Variants in ZNF536 observed in about 807,000 individuals in gnomAD.
ZNF536 encodes the protein zinc finger protein 536.
ZNF536 carries 13 observed loss-of-function variants against 84.5 expected under a neutral mutation model. The observed-to-expected ratio is 0.15, with a 90% CI of 0.10 to 0.24. The LOEUF (loss-of-function observed/expected upper bound fraction) is 0.24, where lower values mean the gene tolerates loss of function less well. Ranked by LOEUF, ZNF536 falls within the 10% of genes least tolerant of loss-of-function variation. ZNF536 has a pLI of 1.00. For synonymous variants in ZNF536, 811 were observed against 742.5 expected, an observed-to-expected ratio of 1.09 and a Z score of -1.50; for missense variants, 1,536 against 1,747.5, an observed-to-expected ratio of 0.88 and a Z score of 2.16.
intron 1 of ZNF536, among the ~76,000 whole-genome samples, chr19:30,591,685 T>C (rs2047284005): frequency 6.6e-6 from 1 of 152,204 alleles, no homozygotes; most frequent in African/African-American, 2.4e-5. Flanking sequence ...CCTTTCTCTC[T>C]GAGTCACAGC....
At chr19:30,550,904 A>G (rs2045752196) in intron 4 of ZNF536, among the ~76,000 whole-genome samples, 1 of 152,192 alleles carries the variant, frequency 6.6e-6, no homozygotes, top group African/African-American at 2.4e-5. Flanking sequence ...ACAAGGCCCC[A>G]TTAACCACTA....
At chr19:30,419,010 T>C (rs2050846341) in intron 1 of ZNF536, among the ~76,000 whole-genome samples, 1 of 152,224 alleles carries the variant, frequency 6.6e-6, no homozygotes, top group South Asian at 2.1e-4. Flanking sequence ...ATGAACTAAT[T>C]TGGAAAATAC....
chr19:30,370,331 A>C (rs928733685), upstream of ZNF536, among the ~76,000 whole-genome samples: 3 of 152,140 alleles, frequency 2.0e-5, no homozygotes, highest in African/African-American at 7.2e-5. Flanking sequence ...TTCCCCAACT[A>C]TTGTACCTGA....
At chr19:30,416,447 A>C (rs2050738125) in intron 1 of ZNF536, among the ~76,000 whole-genome samples, 1 of 152,038 alleles carries the variant, frequency 6.6e-6, no homozygotes, top group African/African-American at 2.4e-5. Context: ...GTGGTTCTCT[A>C]GGTCTGTTAC....
chr19:30,626,795 G>A (rs2048696423), intron 1 of ZNF536, among the ~76,000 whole-genome samples: 1 of 152,206 alleles, frequency 6.6e-6, no homozygotes, highest in Admixed American at 6.5e-5. Context: ...GATGGTGACC[G>A]CGCCAGATAG....
At chr19:30,307,993 T>C (rs530127367) in intron 2 of ZNF536, among the ~76,000 whole-genome samples, 2 of 152,400 alleles carry the variant, frequency 1.3e-5, no homozygotes, top group East Asian at 1.9e-4. Context: ...CTTTATTTTA[T>C]GATATTAAAT....
upstream of ZNF536, among the ~76,000 whole-genome samples, chr19:30,225,661 AATG>A (rs1174193666): frequency 7.0e-6 from 1 of 143,876 alleles, no homozygotes; most frequent in Non-Finnish European, 1.5e-5. Context: ...CCCGCGTTTC[AATG>A]TTTAAGGTAA....
rs1239144442 is a variant in ZNF536 at position 30,628,783 on chromosome 19, C to A, written c.169+79269C>A. Among the ~76,000 whole-genome samples the A allele has an allele frequency of 2.6e-5, 4 of 152,260 alleles. No individual in the cohort carries two copies. In the South Asian group the frequency reaches 8.3e-4, roughly 32 times the overall value. ...GCATGATCTCGGCTCACTGCAACCT[C>A]CACCTCCTGGGTCCTGGTTCAAGCA... On this transcript the variant is annotated intron_variant, in intron 1 of 1. Coordinates refer to the ZNF536 transcript ENST00000592773.
At chr19:30,265,288 A>G (rs555977182) in intron 1 of ZNF536, among the ~76,000 whole-genome samples, 4 of 152,268 alleles carry the variant, frequency 2.6e-5, no homozygotes, top group Admixed American at 6.5e-5. Flanking sequence ...CCAGGAGCCC[A>G]GCCCTCTTCA....
intron 1 of ZNF536, among the ~76,000 whole-genome samples, chr19:30,264,892 C>CG (rs986537051): frequency 3.4e-5 from 5 of 148,338 alleles, no homozygotes; most frequent in Non-Finnish European, 7.4e-5. Flanking sequence ...AAAGATAAAC[C>CG]GGGGGGATTA....
intron 1 of ZNF536, among the ~76,000 whole-genome samples, chr19:30,682,680 TC>T (rs2051023917): frequency 6.6e-6 from 1 of 152,144 alleles, no homozygotes; most frequent in Admixed American, 6.5e-5. Flanking sequence ...TTTCCTGCCC[TC>T]CCTCTCTGCC....
At chr19:30,374,855 A>T (rs2048749116) in intron 1 of ZNF536, among the ~76,000 whole-genome samples, 1 of 151,154 alleles carries the variant, frequency 6.6e-6, no homozygotes, top group African/African-American at 2.4e-5. Flanking sequence ...GGGAGCGGAG[A>T]CTGGCCCCCC....
chr19:30,357,227 G>A (rs1472140778), intron 3 of ZNF536, among the ~76,000 whole-genome samples: 7 of 152,252 alleles, frequency 4.6e-5, no homozygotes, highest in Non-Finnish European at 1.0e-4. Context: ...AGGAAGGGAC[G>A]CTGGTAGCTA....
intron 1 of ZNF536, among the ~76,000 whole-genome samples, chr19:30,643,569 C>T (rs2049343473): frequency 1.3e-5 from 2 of 152,260 alleles, no homozygotes; most frequent in Non-Finnish European, 2.9e-5. Flanking sequence ...AAGACACATT[C>T]CGGACAGGTA....
rs1372169114 is a variant in ZNF536 at position 30,489,330 on chromosome 19, A to G, written c.2170+43598A>G. Among the ~76,000 whole-genome samples, 4 of 152,210 alleles carry G rather than the reference A, an allele frequency of 2.6e-5. No homozygotes were observed. In the East Asian group the frequency reaches 5.8e-4, roughly 22 times the overall value. ...GTGTGGTGCTCAGGCTTGCAGTCCC[A>G]ACACTTTGGGAGGCCGAGGAGGGAG... is the stretch of plus-strand genomic sequence containing the variant. On this transcript the variant is annotated intron_variant, in intron 2 of 4. Coordinates refer to ENST00000355537, the MANE Select transcript of ZNF536 (RefSeq NM_014717.3).
chr19:30,661,731 A>C (rs1422712101), intron 1 of ZNF536, among the ~76,000 whole-genome samples: 1 of 152,250 alleles, frequency 6.6e-6, no homozygotes, highest in Non-Finnish European at 1.5e-5. Context: ...CACATGAAGA[A>C]ACACCATGTA....
rs200261416 is a variant in ZNF536, at chr19:30,263,045, G to A, written c.-189-21027G>A. On this transcript the variant is annotated intron_variant, in intron 1 of 5. Coordinates refer to the ZNF536 transcript ENST00000585628. ...AGAACTCCGCAGCGTGGACAGGCAT[G>A]AGGGAGGATGTCCTGGTGTCCCCTA... Among the ~76,000 whole-genome samples the A allele has an allele frequency of 9.8e-5, 15 of 152,306 alleles. No individual in the cohort carries two copies. The East Asian group carries it at 2.9e-3, about 29-fold the overall frequency.
chr19:30,492,191 C>A (rs952352639), intron 2 of ZNF536, among the ~76,000 whole-genome samples: 1 of 152,172 alleles, frequency 6.6e-6, no homozygotes, highest in African/African-American at 2.4e-5. Context: ...AAAGATAAAG[C>A]CCATGTAAAT....
intron 1 of ZNF536, among the ~76,000 whole-genome samples, chr19:30,251,986 AG>A (rs772689312): frequency 1.7e-4 from 26 of 152,310 alleles, no homozygotes; most frequent in Non-Finnish European, 3.1e-4. Flanking sequence ...CACAGCAAAA[AG>A]GTCAGCAAAG....
Sources: gnomAD v4.1 joint callset for allele counts (sites outside exome capture counted in the v4.1 genomes callset) on GRCh38, gnomAD v4.1.1 for gene constraint, MANE v1.5 for transcripts, NCBI Gene and HGNC (gene_info 2026-07-23, HGNC 2026-07-21) for gene names.